The following BTBD9 variants were observed in gnomAD, a reference collection of about 807,000 sequenced individuals.
BTBD9 encodes the protein BTB domain containing 9.
BTBD9 carries 49 observed loss-of-function variants against 64.3 expected under a neutral mutation model. That is an observed-to-expected ratio of 0.76 (90% confidence interval 0.61 to 0.97). The LOEUF is 0.97. Ranked by LOEUF, BTBD9 falls within the 50% of genes least tolerant of loss-of-function variation. The probability of loss-of-function intolerance (pLI) is 0.00; values close to 1 mark genes in which losing one functional copy is unlikely to be tolerated. For synonymous variants in BTBD9, 260 were observed against 274.7 expected, an observed-to-expected ratio of 0.95 and a Z score of 0.53; for missense variants, 598 against 762.1, an observed-to-expected ratio of 0.78 and a Z score of 2.53.
chr6:38,502,611 A>C (rs1772266848), intron 6 of BTBD9, among the ~76,000 whole-genome samples: 1 of 152,186 alleles, frequency 6.6e-6, no homozygotes, highest in African/African-American at 2.4e-5. Context: ...ACAAATACCA[A>C]ACCTGCAGAG....
chr6:38,292,375 A>T (rs1761996405), intron 7 of BTBD9, among the ~76,000 whole-genome samples: 1 of 152,198 alleles, frequency 6.6e-6, no homozygotes, highest in South Asian at 2.1e-4. Flanking sequence ...TGTTTGGAAT[A>T]GTTTCAGAAG....
chr6:38,629,098 A>C (rs1778274971), intron 1 of BTBD9, among the ~76,000 whole-genome samples: 1 of 152,154 alleles, frequency 6.6e-6, no homozygotes, highest in Admixed American at 6.5e-5. Flanking sequence ...AATCCATGAG[A>C]TCACTGAGAT....
At chr6:38,340,024 G>A (rs534448188) in intron 7 of BTBD9, among the ~76,000 whole-genome samples, 2 of 152,210 alleles carry the variant, frequency 1.3e-5, no homozygotes, top group South Asian at 2.1e-4. Flanking sequence ...AATGAATATT[G>A]TACTGTATCA....
In BTBD9 at chr6:38,256,535, A is replaced by G; in HGVS notation, c.1455-19T>C. 2.6e-6 allele frequency: 4 copies of G among 1,541,928 alleles called. No homozygotes were observed. Among genetic ancestry groups the G allele is most frequent in the Middle Eastern group, 1.7e-4 (1 of 5,854 alleles). ...TAGTAACCTGAACAAAGGGAAAAACATAAGATTGCTGTAAATGTTTTAACT... is the reference window on the plus strand; with the variant it reads ...TAGTAACCTGAACAAAGGGAAAAACGTAAGATTGCTGTAAATGTTTTAACT... On this transcript the variant is annotated intron_variant, in intron 8 of 10. Coordinates refer to ENST00000481247, the MANE Select transcript of BTBD9 (RefSeq NM_001099272.2).
intron 6 of BTBD9, among the ~76,000 whole-genome samples, chr6:38,422,048 T>C (rs534210839): frequency 1.2e-3 from 189 of 152,330 alleles, no homozygotes; most frequent in Middle Eastern, 0.01. Context: ...TCAAATGCAA[T>C]TGTAAACCTC....
At chr6:38,463,073 G>T (rs1158390525) in intron 6 of BTBD9, among the ~76,000 whole-genome samples, 2 of 152,180 alleles carry the variant, frequency 1.3e-5, no homozygotes, top group African/African-American at 4.8e-5. Flanking sequence ...TGGGATTACA[G>T]GCATGAGCCG....
intron 7 of BTBD9, among the ~76,000 whole-genome samples, chr6:38,293,740 C>A (rs1307693616): frequency 6.6e-6 from 1 of 152,120 alleles, no homozygotes; most frequent in Non-Finnish European, 1.5e-5. Context: ...GAGGCAGTAC[C>A]ATTCAGGACA....
At chr6:38,508,179 A>G (rs1236502038) in intron 6 of BTBD9, among the ~76,000 whole-genome samples, 1 of 151,944 alleles carries the variant, frequency 6.6e-6, no homozygotes, top group East Asian at 1.9e-4. Context: ...TGCTTCAGAC[A>G]ATTTGCTCAA....
chr6:38,638,373 G>A (rs1778602427), intron 1 of BTBD9, among the ~76,000 whole-genome samples: 1 of 152,170 alleles, frequency 6.6e-6, no homozygotes, highest in African/African-American at 2.4e-5. Context: ...CTGGGCAGAG[G>A]GAGGCACATG....
chr6:38,555,049 C>A (rs571335113), intron 6 of BTBD9, among the ~76,000 whole-genome samples: 1 of 152,212 alleles, frequency 6.6e-6, no homozygotes, highest in South Asian at 2.1e-4. Flanking sequence ...CCAGTACCCC[C>A]AAACTGGAAA....
At chr6:38,332,489 G>A (rs1443662535) in intron 7 of BTBD9, among the ~76,000 whole-genome samples, 1 of 152,134 alleles carries the variant, frequency 6.6e-6, no homozygotes, top group East Asian at 1.9e-4. Context: ...GAGTTTGGAT[G>A]ATTGCTTTAT....
chr6:38,310,968 T>C (rs1167451946), intron 7 of BTBD9, among the ~76,000 whole-genome samples: 1 of 152,092 alleles, frequency 6.6e-6, no homozygotes, highest in Non-Finnish European at 1.5e-5. Flanking sequence ...CCACCTCACC[T>C]GGCTAATTTT....
chr6:38,587,155 G>T (rs1208022529), intron 4 of BTBD9, among the ~76,000 whole-genome samples: 4 of 152,128 alleles, frequency 2.6e-5, no homozygotes, highest in South Asian at 4.1e-4. Context: ...AGGTGCAGTG[G>T]CCATGGAGGG....
At chr6:38,224,166 T>C (rs1763308407) in intron 9 of BTBD9, among the ~76,000 whole-genome samples, 2 of 152,254 alleles carry the variant, frequency 1.3e-5, no homozygotes, top group Non-Finnish European at 1.5e-5. Flanking sequence ...TGAGCTGAGA[T>C]TGTGCCGCTG....
chr6:38,249,238 G>T (rs548381349), intron 9 of BTBD9, among the ~76,000 whole-genome samples: 1 of 152,038 alleles, frequency 6.6e-6, no homozygotes, highest in African/African-American at 2.4e-5. Context: ...CTCTGCAATC[G>T]CCATGAGTGA....
intron 6 of BTBD9, among the ~76,000 whole-genome samples, chr6:38,487,465 C>T (rs1412010104): frequency 1.3e-5 from 2 of 152,088 alleles, no homozygotes; most frequent in Admixed American, 6.5e-5. Flanking sequence ...CCTGTAATCC[C>T]AGCGACTCTG....
intron 6 of BTBD9, among the ~76,000 whole-genome samples, chr6:38,364,025 C>T (rs1240970480): frequency 6.6e-6 from 1 of 151,950 alleles, no homozygotes. Context: ...GTTACACTAG[C>T]CAGGTAAAAG....
At chr6:38,406,090 C>A (rs1767147457) in intron 6 of BTBD9, among the ~76,000 whole-genome samples, 1 of 152,122 alleles carries the variant, frequency 6.6e-6, no homozygotes, top group Non-Finnish European at 1.5e-5. Context: ...AAAACCTGAG[C>A]TTAGATCCAA....
chr6:38,222,518 C>T (rs1212494663), intron 9 of BTBD9, among the ~76,000 whole-genome samples: 2 of 152,038 alleles, frequency 1.3e-5, no homozygotes, highest in Non-Finnish European at 2.9e-5. Flanking sequence ...CTTGGCCTCC[C>T]AAAGTGCTAG....
Sources: gnomAD v4.1 joint callset for allele counts (sites outside exome capture counted in the v4.1 genomes callset) on GRCh38, gnomAD v4.1.1 for gene constraint, MANE v1.5 for transcripts, NCBI Gene and HGNC (gene_info 2026-07-23, HGNC 2026-07-21) for gene names.